The following NRXN3 variants were observed in gnomAD, a reference collection of about 807,000 sequenced individuals.
NRXN3 encodes neurexin III.
NRXN3 carries 32 observed loss-of-function variants against 137.6 expected under a neutral mutation model. The ratio of observed to expected loss-of-function variants is 0.23; its 90% CI spans 0.18 to 0.31. The LOEUF is 0.31. Among genes scored for constraint, NRXN3 ranks in the 10% least tolerant of loss-of-function variants. NRXN3 has a pLI of 1.00. For synonymous variants in NRXN3, 798 were observed against 784.5 expected (o/e 1.02, Z -0.29); for missense variants, 1,574 against 2,062.5 (o/e 0.76, Z 4.59).
intron 4 of NRXN3, among the ~76,000 whole-genome samples, chr14:78,306,353 GAGTT>G (rs915221518): frequency 3.3e-5 from 5 of 152,078 alleles, no homozygotes; most frequent in Non-Finnish European, 7.4e-5. Context: ...TTATCCAGTT[GAGTT>G]AGTTAATCTT....
Position 78,218,359 on chromosome 14 carries a change from C to CT in NRXN3, c.-703-24023dup, listed in dbSNP as rs140009696. Among the ~76,000 whole-genome samples, 329 of 151,688 alleles carry CT rather than the reference C, an allele frequency of 2.2e-3. 3 individuals are homozygous for CT. The highest frequency in any genetic ancestry group is 5.5e-3 in the African/African-American group (228 of 41,410). On this transcript the variant is annotated intron_variant, in intron 1 of 20. Coordinates refer to ENST00000335750, the MANE Select transcript of NRXN3 (RefSeq NM_001330195.2). The stretch of plus-strand genomic sequence containing the variant: ...CAACAAAGAAAGACCCTATCGCTCT[C>CT]TTTTTTTTTCCCAAAGTCTTTACTT...
chr14:79,749,439 T>TA (rs2098990259), intron 19 of NRXN3, among the ~76,000 whole-genome samples: 1 of 151,548 alleles, frequency 6.6e-6, no homozygotes, highest in African/African-American at 2.4e-5. Flanking sequence ...CAGTGTTGTT[T>TA]TTTTTTTTGT....
At chr14:79,731,065 C>T (rs570708253) in intron 19 of NRXN3, among the ~76,000 whole-genome samples, 36 of 152,272 alleles carry the variant, frequency 2.4e-4, no homozygotes, top group African/African-American at 8.2e-4. Flanking sequence ...GAAGACACTG[C>T]GGGTTGCTAA....
At chr14:78,847,218 G>A (rs181627428) in intron 10 of NRXN3, among the ~76,000 whole-genome samples, 3 of 151,980 alleles carry the variant, frequency 2.0e-5, no homozygotes, top group African/African-American at 4.8e-5. Context: ...ACACATTTAC[G>A]GTTAATGACC....
At chr14:79,399,708 A>C (rs529798359) in intron 15 of NRXN3, among the ~76,000 whole-genome samples, 1 of 152,346 alleles carries the variant, frequency 6.6e-6, no homozygotes, top group Non-Finnish European at 1.5e-5. Flanking sequence ...GTAAGTTTAT[A>C]ATATGACCAC....
chr14:79,280,727 C>T (rs1003405593), intron 15 of NRXN3: 3 of 603,922 alleles, frequency 5.0e-6, no homozygotes, highest in African/African-American at 3.7e-5. Flanking sequence ...CTGCCCCTAG[C>T]CTCCGACAAC....
chr14:78,926,986 A>T (rs1348504473), intron 10 of NRXN3, among the ~76,000 whole-genome samples: 2 of 81,340 alleles, frequency 2.5e-5, no homozygotes, highest in South Asian at 3.3e-4. Context: ...ATATATTTTT[A>T]TATATATATA....
At chr14:79,708,412 G>T (rs2098789762) in intron 19 of NRXN3, among the ~76,000 whole-genome samples, 1 of 151,648 alleles carries the variant, frequency 6.6e-6, no homozygotes, top group African/African-American at 2.4e-5. Flanking sequence ...CAGATGCTGA[G>T]GAATGACTGT....
intron 19 of NRXN3, among the ~76,000 whole-genome samples, chr14:79,766,166 A>G (rs1405303333): frequency 2.0e-5 from 3 of 152,284 alleles, no homozygotes; most frequent in East Asian, 3.9e-4. Flanking sequence ...ATCCTAATAT[A>G]ACTTCTCTGT....
At chr14:79,573,375 A>G (rs2097630666) in intron 16 of NRXN3, among the ~76,000 whole-genome samples, 1 of 152,182 alleles carries the variant, frequency 6.6e-6, no homozygotes, top group Non-Finnish European at 1.5e-5. Flanking sequence ...GAGAGTACGC[A>G]GCTCTTCTAA....
At chr14:79,575,708 T>G (rs1014464246) in intron 16 of NRXN3, among the ~76,000 whole-genome samples, 14 of 152,154 alleles carry the variant, frequency 9.2e-5, no homozygotes, top group African/African-American at 3.4e-4. Context: ...TCATTACCCC[T>G]CAGTGAAATG....
chr14:79,647,315 G>A lies in NRXN3; in HGVS notation c.3445-16463G>A, dbSNP rs1350719099. Among the ~76,000 whole-genome samples the A allele has an allele frequency of 2.9e-5, 4 of 135,722 alleles. 2 individuals are homozygous for A. The highest frequency in any genetic ancestry group is 3.4e-5 in the Non-Finnish European group (2 of 58,400). The allele number at this position is 135,722 out of a possible 152,430, so 89.0% of individuals were successfully genotyped here. On this transcript the variant is annotated intron_variant, in intron 16 of 20. Coordinates refer to ENST00000335750, the MANE Select transcript of NRXN3 (RefSeq NM_001330195.2). ...GGCCTGCATTAAATTTTTCTTTATGGTTATAGCCATGCAGATAGATGCATG... is the reference window on the plus strand; with the variant it reads ...GGCCTGCATTAAATTTTTCTTTATGATTATAGCCATGCAGATAGATGCATG...
chr14:78,321,807 T>C (rs563202803), intron 4 of NRXN3, among the ~76,000 whole-genome samples: 8 of 152,210 alleles, frequency 5.3e-5, no homozygotes, highest in African/African-American at 1.9e-4. Flanking sequence ...TTCAAAACAT[T>C]GCTGGTTTCC....
rs11456993 is a variant in NRXN3 at position 78,615,444 on chromosome 14, C to CAAAAAAA, written c.758-29665_758-29659dup. ...TGAAACCCCATCTCTACTGAAAATA[C>CAAAAAAA]AAAAAAAAAAAAAAAAATTAGTCTG... On this transcript the variant is annotated intron_variant, in intron 4 of 20. Coordinates refer to ENST00000335750, the MANE Select transcript of NRXN3 (RefSeq NM_001330195.2). Among the ~76,000 whole-genome samples, 14 of 120,924 alleles carry CAAAAAAA rather than the reference C, an allele frequency of 1.2e-4. 2 individuals are homozygous for CAAAAAAA. In the East Asian group the frequency reaches 3.3e-3, roughly 28 times the overall value. The allele number at this position is 120,924 out of a possible 152,430, so 79.3% of individuals were successfully genotyped here.
At chr14:78,810,508 T>G (rs2098906317) in intron 10 of NRXN3, among the ~76,000 whole-genome samples, 164 bp downstream of exon 10, 1 of 150,290 alleles carries the variant, frequency 6.7e-6, no homozygotes, top group African/African-American at 2.5e-5. Flanking sequence ...TGGGTGAGGG[T>G]GAAGGGCTGA....
intron 4 of NRXN3, among the ~76,000 whole-genome samples, chr14:78,354,551 T>C (rs533804923): frequency 6.0e-4 from 91 of 152,162 alleles, no homozygotes; most frequent in Non-Finnish European, 1.0e-3. Flanking sequence ...CTAAGACAGA[T>C]ACAATCTCGA....
chr14:79,371,594 TC>T (rs2094112801), intron 15 of NRXN3, among the ~76,000 whole-genome samples: 1 of 152,154 alleles, frequency 6.6e-6, no homozygotes, highest in African/African-American at 2.4e-5. Context: ...GGAAACCCAT[TC>T]ACATGGTTTT....
At chr14:79,164,771 T>C (rs1292747988) in intron 15 of NRXN3, among the ~76,000 whole-genome samples, 1 of 151,970 alleles carries the variant, frequency 6.6e-6, no homozygotes, top group Non-Finnish European at 1.5e-5. Context: ...TGCATAGTAA[T>C]TGTGAGTTTT....
At chr14:78,808,475 G>A (rs2098890734) in intron 9 of NRXN3, among the ~76,000 whole-genome samples, 1 of 152,100 alleles carries the variant, frequency 6.6e-6, no homozygotes, top group African/African-American at 2.4e-5. Context: ...AATATGTCAG[G>A]AAGGGACATT....
Sources: gnomAD v4.1 joint callset for allele counts (sites outside exome capture counted in the v4.1 genomes callset) on GRCh38, gnomAD v4.1.1 for gene constraint, MANE v1.5 for transcripts, NCBI Gene and HGNC (gene_info 2026-07-23, HGNC 2026-07-21) for gene names.